NAALADL2: variants seen among roughly 807,000 people sequenced by gnomAD.
NAALADL2 encodes inactive N-acetylated-alpha-linked acidic dipeptidase-like protein 2.
Under a neutral mutation model 87.2 loss-of-function variants are expected in NAALADL2, and 76 were observed. The ratio of observed to expected loss-of-function variants is 0.87; its 90% CI spans 0.72 to 1.05. NAALADL2 has a LOEUF of 1.05. Ranked by LOEUF, NAALADL2 falls within the 50% of genes least tolerant of loss-of-function variation. NAALADL2 has a pLI of 0.00. For synonymous variants in NAALADL2, 354 were observed against 331.0 expected (o/e 1.07, Z -0.75); for missense variants, 1,089 against 945.8 (o/e 1.15, Z -1.99).
intron 1 of NAALADL2, among the ~76,000 whole-genome samples, chr3:174,509,977 C>A (rs1278588105): frequency 1.3e-5 from 2 of 151,982 alleles, no homozygotes; most frequent in Non-Finnish European, 1.5e-5. Flanking sequence ...CTCTGAAATG[C>A]CTTTTGACAT....
intron 2 of NAALADL2, among the ~76,000 whole-genome samples, chr3:174,594,755 A>G (rs1004973002): frequency 2.6e-5 from 4 of 152,198 alleles, no homozygotes; most frequent in Non-Finnish European, 4.4e-5. Context: ...GGGCATAGAA[A>G]TATATGTTTT....
intron 1 of NAALADL2, among the ~76,000 whole-genome samples, chr3:175,036,630 A>C (rs1011310997): frequency 2.6e-5 from 4 of 151,910 alleles, no homozygotes; most frequent in Non-Finnish European, 2.9e-5. Flanking sequence ...CGATCTCCTG[A>C]CCTCGTGTTC....
At chr3:175,132,017 C>T (rs1728051523) in intron 2 of NAALADL2, among the ~76,000 whole-genome samples, 1 of 133,350 alleles carries the variant, frequency 7.5e-6, no homozygotes, top group Admixed American at 7.1e-5. Flanking sequence ...CACCTCCCTC[C>T]CGGACGGGGC....
chr3:174,968,761 G>T (rs1175509438), intron 1 of NAALADL2, among the ~76,000 whole-genome samples: 1 of 152,152 alleles, frequency 6.6e-6, no homozygotes, highest in Non-Finnish European at 1.5e-5. Context: ...ACAGATGTGA[G>T]CCACTGCGCC....
intron 3 of NAALADL2, among the ~76,000 whole-genome samples, chr3:174,812,449 GT>G (rs1250303360): frequency 1.3e-4 from 20 of 152,290 alleles, no homozygotes; most frequent in African/African-American, 4.8e-4. Context: ...ATTATTTATA[GT>G]ACGTAATACT....
At chr3:175,597,956 A>C (rs183491294) in intron 10 of NAALADL2, among the ~76,000 whole-genome samples, 2 of 151,948 alleles carry the variant, frequency 1.3e-5, no homozygotes, top group South Asian at 4.1e-4. Flanking sequence ...CATTATCTCT[A>C]TTCTCTCCCT....
At chr3:175,741,450 G>T (rs1419537716) in intron 12 of NAALADL2, among the ~76,000 whole-genome samples, 1 of 152,112 alleles carries the variant, frequency 6.6e-6, no homozygotes, top group Non-Finnish European at 1.5e-5. Flanking sequence ...GGGGGACATA[G>T]CATTCATACC....
intron 2 of NAALADL2, among the ~76,000 whole-genome samples, chr3:175,119,776 T>G (rs1725858900): frequency 7.2e-6 from 1 of 139,212 alleles, no homozygotes; most frequent in Non-Finnish European, 1.5e-5. Flanking sequence ...TATATAGATA[T>G]ATATATAAAA....
chr3:175,376,828 C>T (rs937899932), intron 5 of NAALADL2, among the ~76,000 whole-genome samples: 2 of 152,094 alleles, frequency 1.3e-5, no homozygotes, highest in Admixed American at 1.3e-4. Context: ...TACCATGCTT[C>T]AGCTGGGGTT....
chr3:175,277,463 A>T (rs2110059360), intron 4 of NAALADL2, among the ~76,000 whole-genome samples: 1 of 152,274 alleles, frequency 6.6e-6, no homozygotes, highest in African/African-American at 2.4e-5. Flanking sequence ...AAAAACCAAT[A>T]CGGGACAGTG....
chr3:175,563,545 T>TTC (rs2149521098), intron 9 of NAALADL2, among the ~76,000 whole-genome samples: 1 of 152,106 alleles, frequency 6.6e-6, no homozygotes, highest in South Asian at 2.1e-4. Flanking sequence ...CTAATCTTCT[T>TTC]TACCATTCTG....
chr3:175,119,106 G>C (rs1219235169), intron 2 of NAALADL2, among the ~76,000 whole-genome samples: 1 of 150,460 alleles, frequency 6.6e-6, no homozygotes, highest in African/African-American at 2.4e-5. Context: ...CTTACAGTGT[G>C]GTAAATATTG....
chr3:175,292,598 A>ACACACACACACACACACACACACC (rs1458010886), intron 4 of NAALADL2, among the ~76,000 whole-genome samples: 23 of 150,032 alleles, frequency 1.5e-4, no homozygotes, highest in Non-Finnish European at 3.1e-4. Flanking sequence ...TGGGATACAC[A>ACACACACACACACACACACACACC]CACACACACA....
chr3:175,642,523 C>T (rs1729434832), intron 11 of NAALADL2, among the ~76,000 whole-genome samples: 1 of 145,294 alleles, frequency 6.9e-6, no homozygotes, highest in Non-Finnish European at 1.5e-5. Context: ...TTTCTTGAGA[C>T]AGCGTCTCGC....
In NAALADL2 at chr3:175,485,712, A is replaced by ATGGTGCCCATCCAGATTAAGGC. The variant is rs1727161289; in HGVS notation, c.1653+13958_1653+13979dup. 4.6e-5 allele frequency among the ~76,000 whole-genome samples: 7 copies of ATGGTGCCCATCCAGATTAAGGC among 152,250 alleles called. No homozygotes were observed. The South Asian group carries it at 1.5e-3, about 32-fold the overall frequency. ...TTCTAGCTACGCTGACAGCCACTGGATGGTGCCCATCCAGATTAAGGCTGG... is the reference window on the plus strand; with the variant it reads ...TTCTAGCTACGCTGACAGCCACTGGATGGTGCCCATCCAGATTAAGGCTGGTGCCCATCCAGATTAAGGCTGG... On this transcript the variant is annotated intron_variant, in intron 9 of 13. Transcript: ENST00000454872.
chr3:175,672,688 G>A (rs1322154196), intron 11 of NAALADL2, among the ~76,000 whole-genome samples: 1 of 152,132 alleles, frequency 6.6e-6, no homozygotes, highest in African/African-American at 2.4e-5. Flanking sequence ...AACGGCAAGG[G>A]ACATAACACT....
At chr3:174,609,547 G>A (rs568706035) in intron 2 of NAALADL2, among the ~76,000 whole-genome samples, 2 of 152,104 alleles carry the variant, frequency 1.3e-5, no homozygotes, top group Non-Finnish European at 2.9e-5. Flanking sequence ...CAAATCGTGA[G>A]TGAACTCCCA....
At chr3:174,845,551 T>C (rs1327722944) in intron 3 of NAALADL2, among the ~76,000 whole-genome samples, 2 of 152,218 alleles carry the variant, frequency 1.3e-5, no homozygotes, top group Admixed American at 6.5e-5. Context: ...TTGACAACTT[T>C]ACAATCTCTC....
At chr3:175,058,333 A>C (rs1032509430) in intron 1 of NAALADL2, among the ~76,000 whole-genome samples, 1 of 152,176 alleles carries the variant, frequency 6.6e-6, no homozygotes, top group Non-Finnish European at 1.5e-5. Context: ...AAGTCATTTA[A>C]TTTATTAATT....
Sources: allele counts gnomAD v4.1 joint callset (sites outside exome capture counted in the v4.1 genomes callset), GRCh38; gene constraint gnomAD v4.1.1; transcripts MANE v1.5; gene names NCBI Gene and HGNC (gene_info 2026-07-23, HGNC 2026-07-21).